Variants in CSMD2 observed in about 807,000 individuals in gnomAD.
CSMD2 encodes the protein CUB and sushi domain-containing protein 2.
Under a neutral mutation model 398.5 loss-of-function variants are expected in CSMD2, and 130 were observed. The ratio of observed to expected loss-of-function variants is 0.33; its 90% CI spans 0.28 to 0.38. CSMD2 has a LOEUF of 0.38. Ranked by LOEUF, CSMD2 falls within the 10% of genes least tolerant of loss-of-function variation. The pLI is 1.00. For synonymous variants in CSMD2, 1,828 were observed against 1,908.5 expected (o/e 0.96, Z 1.10); for missense variants, 3,829 against 4,764.9 (o/e 0.80, Z 5.78).
intron 9 of CSMD2, among the ~76,000 whole-genome samples, chr1:33,811,545 G>T (rs543506034): frequency 5.9e-5 from 9 of 152,042 alleles, no homozygotes; most frequent in Non-Finnish European, 1.2e-4. Context: ...TCCCAAATCC[G>T]TCTCCACACT....
intron 3 of CSMD2, among the ~76,000 whole-genome samples, chr1:33,977,489 T>C (rs1409878358): frequency 1.3e-5 from 2 of 152,016 alleles, no homozygotes; most frequent in Non-Finnish European, 2.9e-5. Context: ...CAGGGCACTC[T>C]CTCTTAGGTC....
chr1:33,984,884 C>CAGGA (rs3045906), intron 3 of CSMD2, among the ~76,000 whole-genome samples: 103 of 138,302 alleles, frequency 7.4e-4, no homozygotes, highest in African/African-American at 2.7e-3. Context: ...GGCAGGCAGG[C>CAGGA]AGGAAGGAAG....
intron 1 of CSMD2, among the ~76,000 whole-genome samples, chr1:34,108,421 T>C (rs114746437): frequency 3.3e-5 from 5 of 152,282 alleles, no homozygotes; most frequent in African/African-American, 1.2e-4. Context: ...ATCTATGGAA[T>C]GAGGTTCTCA....
chr1:33,572,816 A>G (rs974764532), intron 49 of CSMD2, 125 bp from the exon 50 acceptor site: 6 of 621,860 alleles, frequency 9.6e-6, no homozygotes, highest in Non-Finnish European at 1.5e-5. Flanking sequence ...GTAAAGTATC[A>G]TAATAAAAAA....
At chr1:33,596,678 C>A (rs113314756) in intron 44 of CSMD2, among the ~76,000 whole-genome samples, 1,895 of 152,258 alleles carry the variant, frequency 0.012, 48 homozygotes, top group African/African-American at 0.044. Flanking sequence ...CACCAGATCT[C>A]GTGAGAACTA....
At chr1:34,015,288 A>G (rs1446269579) in intron 3 of CSMD2, among the ~76,000 whole-genome samples, 1 of 152,222 alleles carries the variant, frequency 6.6e-6, no homozygotes, top group Non-Finnish European at 1.5e-5. Flanking sequence ...TTATCTCATT[A>G]TGCTCATACC....
chr1:33,802,309 C>T (rs935131282), intron 10 of CSMD2, among the ~76,000 whole-genome samples: 1 of 152,154 alleles, frequency 6.6e-6, no homozygotes, highest in Non-Finnish European at 1.5e-5. Flanking sequence ...GTTTTTATTT[C>T]CCTTACTCCT....
chr1:33,562,902 A>G (rs1003038009), intron 53 of CSMD2, among the ~76,000 whole-genome samples: 1 of 152,210 alleles, frequency 6.6e-6, no homozygotes, highest in Non-Finnish European at 1.5e-5. Flanking sequence ...TATGCTGGTG[A>G]TTTTGGACTT....
chr1:33,956,284 A>C (rs1247189128), intron 3 of CSMD2, among the ~76,000 whole-genome samples: 1 of 151,802 alleles, frequency 6.6e-6, no homozygotes, highest in Non-Finnish European at 1.5e-5. Flanking sequence ...TTCATCTTGC[A>C]AAACTGAAAC....
intron 3 of CSMD2, among the ~76,000 whole-genome samples, chr1:33,987,041 C>T (rs1188738938): frequency 6.6e-6 from 1 of 152,046 alleles, no homozygotes; most frequent in Non-Finnish European, 1.5e-5. Context: ...GGGGGCTTAG[C>T]CAGGCATTGG....
intron 2 of CSMD2, 78 bp downstream of exon 2, chr1:34,088,899 C>T: frequency 8.2e-7 from 1 of 1,225,434 alleles, no homozygotes. Flanking sequence ...AAACTTTTCA[C>T]TCGAGAAAGA....
At chr1:34,117,748 C>T (rs990165404) in intron 1 of CSMD2, among the ~76,000 whole-genome samples, 2 of 151,812 alleles carry the variant, frequency 1.3e-5, no homozygotes, top group Non-Finnish European at 2.9e-5. Flanking sequence ...TGAAATTCAA[C>T]AATATATTAA....
intron 19 of CSMD2, among the ~76,000 whole-genome samples, chr1:33,722,167 T>C (rs1646379538): frequency 6.6e-6 from 1 of 152,246 alleles, no homozygotes; most frequent in Non-Finnish European, 1.5e-5. Flanking sequence ...GGGAAATCTT[T>C]GAAGCTAAAT....
intron 4 of CSMD2, among the ~76,000 whole-genome samples, chr1:33,927,706 A>G (rs1178875781): frequency 2.6e-5 from 4 of 152,006 alleles, no homozygotes; most frequent in Non-Finnish European, 5.9e-5. Context: ...ATGGGCTAGG[A>G]GCAGGCTCCT....
chr1:34,130,389 C>CAAAAAAA (rs60733725), intron 1 of CSMD2, among the ~76,000 whole-genome samples: 1 of 58,496 alleles, frequency 1.7e-5, no homozygotes. Context: ...TGTCTGGAGG[C>CAAAAAAA]AAAAAAAAAA....
Position 33,552,847 on chromosome 1 carries a change from A to G in CSMD2, c.8744-2497T>C, listed in dbSNP as rs370321173. ...TGATGAAAGTGTTCTGGAATTAGAC[A>G]GTGATGATACTTGTACAACTTTGCG... On this transcript the variant is annotated intron_variant, in intron 55 of 70. Coordinates refer to ENST00000373381, the MANE Select transcript of CSMD2 (RefSeq NM_001281956.2). Among the ~76,000 whole-genome samples the G allele has an allele frequency of 3.3e-5, 5 of 152,344 alleles. No individual in the cohort carries two copies. The South Asian group carries it at 1.0e-3, about 32-fold the overall frequency.
chr1:33,670,284 T>G (rs1353688206), intron 25 of CSMD2, among the ~76,000 whole-genome samples: 1 of 152,138 alleles, frequency 6.6e-6, no homozygotes, highest in African/African-American at 2.4e-5. Flanking sequence ...CACTTCTATA[T>G]CTCTGGTACC....
At chr1:33,677,182 A>C (rs6704053) in intron 25 of CSMD2, among the ~76,000 whole-genome samples, 91,185 of 151,368 alleles carry the variant, frequency 0.6, 27,701 homozygotes, top group East Asian at 0.74. Context: ...CAACCTACAG[A>C]ATGGGAGAAA....
At chr1:33,674,910 T>C (rs370967372) in intron 25 of CSMD2, among the ~76,000 whole-genome samples, 2 of 152,172 alleles carry the variant, frequency 1.3e-5, no homozygotes, top group African/African-American at 4.8e-5. Context: ...TTGAAACCAA[T>C]GAGAACAAAG....
Sources: gnomAD v4.1 joint callset for allele counts (sites outside exome capture counted in the v4.1 genomes callset) on GRCh38, gnomAD v4.1.1 for gene constraint, MANE v1.5 for transcripts, NCBI Gene and HGNC (gene_info 2026-07-23, HGNC 2026-07-21) for gene names.